HAVCR1: variants seen among roughly 807,000 people sequenced by gnomAD.
HAVCR1 encodes the protein hepatitis A virus cellular receptor 1.
Under a neutral mutation model 32.0 loss-of-function variants are expected in HAVCR1, and 34 were observed. That is an observed-to-expected ratio of 1.06 (90% confidence interval 0.81 to 1.42). The LOEUF (loss-of-function observed/expected upper bound fraction) is 1.42, where lower values mean the gene tolerates loss of function less well. Ranked by LOEUF, HAVCR1 falls within the 40% of genes most tolerant of loss-of-function variation. The probability of loss-of-function intolerance (pLI) is 0.00; values close to 1 mark genes in which losing one functional copy is unlikely to be tolerated. For missense variants in HAVCR1, 420 were observed against 442.3 expected, an observed-to-expected ratio of 0.95 and a Z score of 0.45; for synonymous variants, 178 against 170.3, an observed-to-expected ratio of 1.05 and a Z score of -0.35.
intron 3 of HAVCR1, among the ~76,000 whole-genome samples, chr5:157,053,084 T>TA (rs1331136477): frequency 1.3e-5 from 2 of 151,926 alleles, no homozygotes; most frequent in Non-Finnish European, 2.9e-5. Context: ...GGCTAATTTT[T>TA]AAAAAAACTT....
chr5:157,033,542 G>C (rs1031180918), intron 7 of HAVCR1, among the ~76,000 whole-genome samples: 2 of 120,414 alleles, frequency 1.7e-5, no homozygotes, highest in Admixed American at 1.2e-4. Flanking sequence ...CCTTTCCCCA[G>C]ATATCTCGAT....
intron 8 of HAVCR1, among the ~76,000 whole-genome samples, chr5:157,030,239 G>A (rs1288094782): frequency 6.6e-6 from 1 of 152,220 alleles, no homozygotes; most frequent in African/African-American, 2.4e-5. Context: ...ACTGTAGCTT[G>A]TGATCCTTTA....
chr5:157,068,631 T>A, the HAVCR1 span, among the ~76,000 whole-genome samples: 1 of 148,638 alleles, frequency 6.7e-6, no homozygotes, highest in African/African-American at 2.5e-5. Context: ...CTGCACATTA[T>A]CTTTATATGG....
the HAVCR1 span, among the ~76,000 whole-genome samples, chr5:157,066,601 G>A: frequency 6.6e-6 from 1 of 151,400 alleles, no homozygotes; most frequent in Non-Finnish European, 1.5e-5. Context: ...GTATGATCTG[G>A]AGACAATCAA....
At chr5:157,053,796 G>C (rs984727299) in intron 3 of HAVCR1, among the ~76,000 whole-genome samples, 1 of 151,868 alleles carries the variant, frequency 6.6e-6, no homozygotes, top group African/African-American at 2.4e-5. Context: ...CTTGAACCCA[G>C]GAGGCAGAGG....
chr5:157,052,658 G>A lies in HAVCR1; in HGVS notation c.380-4C>T, dbSNP rs746952635. On this transcript the variant is annotated splice_polypyrimidine_tract_variant and splice_region_variant and intron_variant, in intron 3 of 8. Transcript: ENST00000523175. ...ATTGGAGTAGTCGTGACCTTGGCTGGAGTCAGAAATCAACATGAGAGTGAG... is the reference window on the plus strand; with the variant it reads ...ATTGGAGTAGTCGTGACCTTGGCTGAAGTCAGAAATCAACATGAGAGTGAG... The A allele has an allele frequency of 6.2e-7, 1 of 1,612,190 alleles. No individual in the cohort carries two copies. Among genetic ancestry groups the A allele is most frequent in the Non-Finnish European group, 8.5e-7 (1 of 1,178,394 alleles).
chr5:157,044,635 AAGAAAGAAAGAAAG>A (rs1755233163), intron 5 of HAVCR1, among the ~76,000 whole-genome samples: 2 of 64,788 alleles, frequency 3.1e-5, no homozygotes, highest in African/African-American at 1.1e-4. Flanking sequence ...GAAAGAAAGA[AAGAAAGAAAGAAAG>A]AAAGAAAGAA....
intron 2 of HAVCR1, among the ~76,000 whole-genome samples, chr5:157,055,913 T>C (rs1035685683): frequency 9.9e-5 from 15 of 151,786 alleles, no homozygotes; most frequent in African/African-American, 3.6e-4. Flanking sequence ...TGTTTTACTT[T>C]CTTTAAAAAA....
intron 4 of HAVCR1, among the ~76,000 whole-genome samples, chr5:157,051,121 A>G (rs1330994167): frequency 1.3e-5 from 2 of 152,222 alleles, no homozygotes; most frequent in African/African-American, 4.8e-5. Flanking sequence ...CCTATAAGTC[A>G]AGTTATCCTC....
rs1318661864 is a variant in HAVCR1, at chr5:157,052,493, T to C, written c.541A>G (p.Thr181Ala). 6.2e-7 allele frequency: 1 copy of C among 1,603,062 alleles called. No homozygotes were observed. Among genetic ancestry groups the C allele is most frequent in the Non-Finnish European group, 8.5e-7 (1 of 1,173,134 alleles). ...SIPTTTTVLT[T>A]MTVSTTTSVP... ...CTCGTTGTCGTTGAAACAGTCATTG[T>C]CGTCAGAACAGTCGTTGTCGTTGGA... The change falls in exon 4 of 9, where the codon ACA becomes GCA. Residue 181 changes from threonine to alanine, a missense_variant. By Grantham distance (58) the Thr-to-Ala change is moderately conservative. Coordinates refer to ENST00000523175, the MANE Select transcript of HAVCR1 (RefSeq NM_001173393.3).
At chr5:157,061,620 T>A (rs1756490633), upstream of HAVCR1, among the ~76,000 whole-genome samples, 1 of 151,468 alleles carries the variant, frequency 6.6e-6, no homozygotes, top group Admixed American at 6.6e-5. Context: ...GGCAAGAGAA[T>A]CGCCTGAACC....
chr5:157,059,034 C>G lies in HAVCR1; in HGVS notation c.-126G>C, dbSNP rs1671412949. The G allele has an allele frequency of 6.6e-6, 1 of 152,174 alleles. No individual in the cohort carries two copies. The highest frequency in any genetic ancestry group is 1.5e-5 in the Non-Finnish European group (1 of 68,028). 9.4% of individuals were successfully genotyped at this position (152,174 alleles called of 1,614,324 possible). On this transcript the variant is annotated 5_prime_UTR_variant, in exon 1 of 9. Transcript: ENST00000523175. Reference sequence around the variant, plus strand: ...ATAGCACTAAAAATGCTTCCTCTATCTCCCACCAAGGATTGATATAATAAG... The same window carrying G: ...ATAGCACTAAAAATGCTTCCTCTATGTCCCACCAAGGATTGATATAATAAG...
At chr5:157,039,333 T>C (rs1235607950) in intron 6 of HAVCR1, among the ~76,000 whole-genome samples, 2 of 152,236 alleles carry the variant, frequency 1.3e-5, no homozygotes, top group Middle Eastern at 6.8e-3. Context: ...TATTATAACA[T>C]TCTATAACCT....
chr5:157,057,490 G>A (rs764405196), intron 2 of HAVCR1, among the ~76,000 whole-genome samples: 58 of 151,074 alleles, frequency 3.8e-4, no homozygotes, highest in African/African-American at 1.1e-3. Flanking sequence ...GAAAAAAATC[G>A]GAAGGCACAA....
intron 5 of HAVCR1, among the ~76,000 whole-genome samples, chr5:157,044,533 AAAG>A (rs1755180047): frequency 6.7e-6 from 1 of 149,120 alleles, no homozygotes; most frequent in African/African-American, 2.5e-5. Context: ...GAAAGAAAGG[AAAG>A]AAGAAAGGAG....
intron 5 of HAVCR1, among the ~76,000 whole-genome samples, chr5:157,044,052 C>G (rs1050885809): frequency 1.3e-5 from 2 of 152,122 alleles, no homozygotes; most frequent in African/African-American, 4.8e-5. Flanking sequence ...AAAGGCAAGG[C>G]CAGGCACAGT....
Position 157,044,680 on chromosome 5 carries a change from G to T in HAVCR1, c.782-1998C>A, listed in dbSNP as rs1461192916. Among the ~76,000 whole-genome samples, 2 of 111,754 alleles carry T rather than the reference G, an allele frequency of 1.8e-5. 1 individual carries two copies. Among genetic ancestry groups the T allele is most frequent in the East Asian group, 6.6e-4 (2 of 3,028 alleles). 73.3% of individuals were successfully genotyped at this position (111,754 alleles called of 152,430 possible). Reference sequence around the variant, plus strand: ...AAGAAAGAAAGAAAGAAAGAAAGGAGGGAGGGAGGAAGGAAGGAAGGAAGG... The same window carrying T: ...AAGAAAGAAAGAAAGAAAGAAAGGATGGAGGGAGGAAGGAAGGAAGGAAGG... On this transcript the variant is annotated intron_variant, in intron 5 of 8. Transcript: ENST00000523175.
intron 7 of HAVCR1, among the ~76,000 whole-genome samples, chr5:157,034,577 G>A (rs756545657): frequency 6.6e-6 from 1 of 151,232 alleles, no homozygotes; most frequent in East Asian, 2.0e-4. Context: ...TACGGGTGTC[G>A]GGCTCGGGGA....
chr5:157,042,737 T>C (rs1754987186), intron 5 of HAVCR1, 55 bp from the exon 6 acceptor site: 1 of 1,025,028 alleles, frequency 9.8e-7, no homozygotes, highest in Admixed American at 1.8e-5. Context: ...GAATTTTCAC[T>C]GCAGACACTA....
Sources: allele counts gnomAD v4.1 joint callset (sites outside exome capture counted in the v4.1 genomes callset), GRCh38; gene constraint gnomAD v4.1.1; transcripts MANE v1.5; gene names NCBI Gene and HGNC (gene_info 2026-07-23, HGNC 2026-07-21).